The following GRIN2A variants were observed in gnomAD, a reference collection of about 807,000 sequenced individuals.
GRIN2A encodes the protein glutamate ionotropic receptor NMDA type subunit 2A, also known as glutamate receptor ionotropic, NMDA 2A.
A neutral mutation model predicts 113.4 loss-of-function variants in GRIN2A; 22 were observed. The ratio of observed to expected loss-of-function variants is 0.19; its 90% CI spans 0.14 to 0.28. The LOEUF (loss-of-function observed/expected upper bound fraction) is 0.28. Ranked by LOEUF, GRIN2A falls within the 10% of genes least tolerant of loss-of-function variation. The probability of loss-of-function intolerance (pLI) is 1.00; values close to 1 mark genes in which losing one functional copy is unlikely to be tolerated. For missense variants in GRIN2A, 1,502 were observed against 1,887.0 expected, an observed-to-expected ratio of 0.80 and a Z score of 3.78; for synonymous variants, 827 against 738.4, an observed-to-expected ratio of 1.12 and a Z score of -1.94.
chr16:9,928,237 C>G (rs971921340), intron 3 of GRIN2A, among the ~76,000 whole-genome samples: 13 of 152,176 alleles, frequency 8.5e-5, no homozygotes, highest in African/African-American at 2.7e-4. Context: ...AGCAAGGAGA[C>G]AAAGGCAGAG....
chr16:9,768,544 C>T (rs967545687), intron 12 of GRIN2A, among the ~76,000 whole-genome samples: 7 of 152,286 alleles, frequency 4.6e-5, no homozygotes, highest in Non-Finnish European at 8.8e-5. Context: ...ATGCAATTGG[C>T]CACAGTCCTC....
intron 2 of GRIN2A, among the ~76,000 whole-genome samples, chr16:10,130,185 G>A (rs2049032536): frequency 6.6e-6 from 1 of 152,196 alleles, no homozygotes; most frequent in African/African-American, 2.4e-5. Flanking sequence ...AATGATAGAG[G>A]CAGACTTGGA....
intron 3 of GRIN2A, among the ~76,000 whole-genome samples, chr16:9,934,888 C>A (rs975708317): frequency 2.6e-5 from 4 of 151,676 alleles, no homozygotes; most frequent in Admixed American, 6.6e-5. Context: ...GGGTGGACAC[C>A]ACCAGCCCTG....
intron 2 of GRIN2A, among the ~76,000 whole-genome samples, chr16:10,085,362 AAAG>A: frequency 6.6e-6 from 1 of 152,210 alleles, no homozygotes; most frequent in South Asian, 2.1e-4. Flanking sequence ...AATATTCACA[AAAG>A]AAGGGCACGC....
At chr16:9,987,767 G>C (rs1357753347) in intron 2 of GRIN2A, among the ~76,000 whole-genome samples, 1 of 152,146 alleles carries the variant, frequency 6.6e-6, no homozygotes, top group African/African-American at 2.4e-5. Context: ...GATCTAGGTT[G>C]AACTCAGATC....
Position 10,177,523 on chromosome 16 carries a change from A to T in GRIN2A, c.414+2475T>A, listed in dbSNP as rs368543387. Among the ~76,000 whole-genome samples the T allele has an allele frequency of 6.6e-5, 10 of 152,286 alleles. No individual in the cohort carries two copies. The East Asian group carries it at 9.7e-4, about 15-fold the overall frequency. ...CATTTTTGAACCAATGGACCCTTTC[A>T]TTCTTCTTCTCTCCAACCCCTCTTA... is the stretch of plus-strand genomic sequence containing the variant. On this transcript the variant is annotated intron_variant, in intron 2 of 12. Transcript: ENST00000330684.
chr16:10,056,778 G>T (rs181555163), intron 2 of GRIN2A, among the ~76,000 whole-genome samples: 1 of 152,258 alleles, frequency 6.6e-6, no homozygotes, highest in Admixed American at 6.5e-5. Context: ...AGAAGATGCA[G>T]GGGAGGGTCT....
At position 9,938,260 on chromosome 16, in the gene GRIN2A, C is replaced by T; in HGVS notation, c.706G>A (p.Ala236Thr). 1.9e-6 allele frequency: 3 copies of T among 1,614,152 alleles called. No individual in the cohort carries two copies. Among genetic ancestry groups the T allele is most frequent in the Non-Finnish European group, 2.5e-6 (3 of 1,179,986 alleles). Reference protein sequence around the residue: ...VILLYCSKDEAVLILSEARSL... With the variant: ...VILLYCSKDETVLILSEARSL... ...CGGGCCTCACTCAGAATGAGAACAG[C>T]CTCGTCTTTGGAACAGTAGAGCAAG... The change falls in exon 3 of 13, where the codon GCT becomes ACT. Residue 236 changes from alanine to threonine, a missense_variant. Physicochemically the swap from Ala to Thr is moderately conservative, Grantham distance 58. Transcript: ENST00000330684.
chr16:10,106,359 G>GA (rs1308364870), intron 2 of GRIN2A, among the ~76,000 whole-genome samples: 2 of 151,762 alleles, frequency 1.3e-5, no homozygotes, highest in African/African-American at 2.4e-5. Context: ...CCAGGAATTC[G>GA]AGACCAACCT....
intron 8 of GRIN2A, among the ~76,000 whole-genome samples, chr16:9,830,573 A>T (rs2042473909): frequency 1.3e-5 from 2 of 152,188 alleles, no homozygotes. Context: ...CATTTAAGTA[A>T]ATGAAGATAT....
intron 2 of GRIN2A, among the ~76,000 whole-genome samples, chr16:10,050,411 A>G (rs748339962): frequency 4.6e-5 from 7 of 152,142 alleles, no homozygotes; most frequent in Non-Finnish European, 1.0e-4. Flanking sequence ...CATTGCTTGC[A>G]TTACCACCTG....
At chr16:10,137,195 G>A (rs1219064703) in intron 2 of GRIN2A, among the ~76,000 whole-genome samples, 4 of 152,198 alleles carry the variant, frequency 2.6e-5, no homozygotes, top group Non-Finnish European at 4.4e-5. Context: ...GTATATGGAG[G>A]CAAGGACTGG....
At chr16:10,015,804 G>T (rs1236705548) in intron 2 of GRIN2A, among the ~76,000 whole-genome samples, 6 of 152,186 alleles carry the variant, frequency 3.9e-5, no homozygotes, top group African/African-American at 1.4e-4. Context: ...ATCAGTGTGG[G>T]AAATGGACAG....
intron 11 of GRIN2A, among the ~76,000 whole-genome samples, chr16:9,781,455 G>A (rs1901931589): frequency 6.6e-6 from 1 of 152,080 alleles, no homozygotes; most frequent in Non-Finnish European, 1.5e-5. Context: ...CAACCTCCCA[G>A]GCTCAAGTGA....
At chr16:10,064,635 A>C (rs1398219806) in intron 2 of GRIN2A, among the ~76,000 whole-genome samples, 1 of 152,236 alleles carries the variant, frequency 6.6e-6, no homozygotes, top group African/African-American at 2.4e-5. Context: ...AAGAGAAATT[A>C]ATATGGTGAC....
At chr16:10,160,941 C>A (rs1390091741) in intron 2 of GRIN2A, among the ~76,000 whole-genome samples, 1 of 152,182 alleles carries the variant, frequency 6.6e-6, no homozygotes, top group Non-Finnish European at 1.5e-5. Context: ...GTGCATACCA[C>A]CCCAGGGTTC....
chr16:9,853,338 G>A (rs945352287), intron 4 of GRIN2A, among the ~76,000 whole-genome samples: 1 of 152,196 alleles, frequency 6.6e-6, no homozygotes, highest in Non-Finnish European at 1.5e-5. Context: ...AGGAGGAGGG[G>A]TCTTTGGGAG....
rs769629103 is a variant in GRIN2A, at chr16:9,763,164, G to C, written c.4380C>G (p.Ile1460Met). 6.2e-7 allele frequency: 1 copy of C among 1,613,638 alleles called. No individual in the cohort carries two copies. Among genetic ancestry groups the C allele is most frequent in the Admixed American group, 1.7e-5 (1 of 60,028 alleles). ...TGGAAGATTTTTAAACATCAGATTC[G>C]ATACTAGGCATTTTCTTGTACACGC... The part of the protein sequence containing the change: ...NRRVYKKMPS[I>M]ESDV The change falls in exon 13 of 13, where the codon ATC becomes ATG. Residue 1460 changes from isoleucine to methionine, a missense_variant. Physicochemically the swap from Ile to Met is conservative, Grantham distance 10 (BLOSUM62 1). This residue lies in a region of GRIN2A where 832 missense variants were observed against 789.7 expected (regional missense o/e 1.05). Coordinates refer to ENST00000330684, the MANE Select transcript of GRIN2A (RefSeq NM_001134407.3).
intron 7 of GRIN2A, among the ~76,000 whole-genome samples, chr16:9,839,836 G>C (rs2042642441): frequency 6.6e-6 from 1 of 152,136 alleles, no homozygotes; most frequent in African/African-American, 2.4e-5. Context: ...TGTGAACTGG[G>C]GATGGAGGGG....
Sources: gnomAD v4.1 joint callset for allele counts (sites outside exome capture counted in the v4.1 genomes callset) on GRCh38, gnomAD v4.1.1 for gene constraint, gnomAD v4.1.1 regional missense constraint, MANE v1.5 for transcripts, NCBI Gene and HGNC (gene_info 2026-07-23, HGNC 2026-07-21) for gene names.